NCAN: variants seen among roughly 807,000 people sequenced by gnomAD.
NCAN encodes neurocan core protein.
Under a neutral mutation model 121.8 loss-of-function variants are expected in NCAN, and 47 were observed. That is an observed-to-expected ratio of 0.39 (90% CI 0.31 to 0.49). The LOEUF is 0.49. Ranked by LOEUF, NCAN falls within the 20% of genes least tolerant of loss-of-function variation. NCAN has a pLI of 0.92. For missense variants in NCAN, 1,517 were observed against 1,773.4 expected (o/e 0.86, Z 2.60); for synonymous variants, 633 against 702.0 (o/e 0.90, Z 1.55).
intron 1 of NCAN, among the ~76,000 whole-genome samples, chr19:19,215,434 T>C (rs1005494705): frequency 2.0e-5 from 3 of 152,158 alleles, no homozygotes; most frequent in Non-Finnish European, 4.4e-5. Flanking sequence ...AGTCAGGAAA[T>C]GCACTGCTGT....
Position 19,228,197 on chromosome 19 carries a change from G to A in NCAN, c.2577G>A (p.Leu859=). The change falls in exon 8 of 15, where the codon TTG becomes TTA. Residue 859 remains leucine (L), a synonymous_variant. Transcript: ENST00000252575. The part of the protein sequence containing the change: ...QVFEEAESTT[L]SPQVALDTSI... ...TTGAAGAAGCCGAAAGCACCACCTT[G>A]AGCCCTCAGGTGGCCCTGGATACAA... The A allele has an allele frequency of 6.2e-7, 1 of 1,613,914 alleles. No individual in the cohort carries two copies. Among genetic ancestry groups the A allele is most frequent in the African/African-American group, 1.3e-5 (1 of 75,050 alleles).
rs369689485 is a variant in NCAN, at chr19:19,249,556, A to C, written c.3821-210A>C. Among the ~76,000 whole-genome samples, 7 of 152,124 alleles carry C rather than the reference A, an allele frequency of 4.6e-5. No homozygotes were observed. The East Asian group carries it at 1.4e-3, about 29-fold the overall frequency. ...CTAATTTTTTTATTTTTGTAGAGAT[A>C]GGTTCTCGCTATGTTGCCCAAGCTG... On this transcript the variant is annotated intron_variant, in intron 14 of 14. Transcript: ENST00000252575.
intron 9 of NCAN, among the ~76,000 whole-genome samples, chr19:19,234,701 T>C (rs1339707716): frequency 6.6e-6 from 1 of 152,182 alleles, no homozygotes; most frequent in Non-Finnish European, 1.5e-5. Context: ...TTTTTGAGAG[T>C]ATAACCTTCA....
At chr19:19,247,166 C>T (rs533991693) in intron 13 of NCAN, among the ~76,000 whole-genome samples, 3 of 151,934 alleles carry the variant, frequency 2.0e-5, no homozygotes, top group African/African-American at 7.2e-5. Context: ...CACTGCAGAT[C>T]ACTTGAACTC....
chr19:19,218,810 A>G, intron 2 of NCAN, 105 bp from the exon 3 acceptor site: 1 of 1,220,752 alleles, frequency 8.2e-7, no homozygotes, highest in Non-Finnish European at 1.1e-6. Flanking sequence ...CTAGGTTCAA[A>G]TTCTGGCTCA....
Position 19,228,166 on chromosome 19 carries a change from AG to A in NCAN, c.2548del (p.Val850CysfsTer10). On this transcript the variant is annotated frameshift_variant, in exon 8 of 15. Transcript: ENST00000252575. LOFTEE classifies it high-confidence loss of function. ...DASGIWEPGS[Q>X]VFEEAESTTL... ...AGTGGAATTTGGGAACCTGGATCCC[AG>A]GTGTTTGAAGAAGCCGAAAGCACCA... 1 of 1,613,836 alleles carries A rather than the reference AG, an allele frequency of 6.2e-7. No homozygotes were observed. The highest frequency in any genetic ancestry group is 8.5e-7 in the Non-Finnish European group (1 of 1,180,008).
rs532242671 is a variant in NCAN at position 19,237,008 on chromosome 19, G to A, written c.3251-1245G>A. On this transcript the variant is annotated intron_variant, in intron 10 of 14. Coordinates refer to ENST00000252575, the MANE Select transcript of NCAN (RefSeq NM_004386.3). ...TGGCTCACTACAACCTCCACCTCCCGGTTCAAGTGATTCTTGTGCCTCAAT... is the reference window on the plus strand; with the variant it reads ...TGGCTCACTACAACCTCCACCTCCCAGTTCAAGTGATTCTTGTGCCTCAAT... Among the ~76,000 whole-genome samples the A allele has an allele frequency of 8.3e-4, 126 of 151,966 alleles. 1 individual carries two copies. Among genetic ancestry groups the A allele is most frequent in the African/African-American group, 2.6e-3 (109 of 41,450 alleles).
chr19:19,243,531 A>AG (rs1452513559), intron 12 of NCAN, among the ~76,000 whole-genome samples: 2 of 150,758 alleles, frequency 1.3e-5, no homozygotes, highest in African/African-American at 2.4e-5. Flanking sequence ...AAAAAAAAAA[A>AG]AAAGAAAAAG....
intron 10 of NCAN, 90 bp from the exon 11 acceptor site, chr19:19,238,163 G>T: frequency 6.4e-7 from 1 of 1,551,104 alleles, no homozygotes. Flanking sequence ...CCTTGGATTG[G>T]GCCCTCTCTC....
intron 5 of NCAN, 46 bp from the exon 6 acceptor site, chr19:19,224,931 G>C (rs1296680314): frequency 7.3e-7 from 1 of 1,362,796 alleles, no homozygotes; most frequent in South Asian, 1.7e-5. Context: ...TGGGCTCCAG[G>C]GGAGGGTTCC....
intron 13 of NCAN, among the ~76,000 whole-genome samples, chr19:19,248,011 G>T (rs904730468): frequency 6.6e-6 from 1 of 152,082 alleles, no homozygotes; most frequent in Non-Finnish European, 1.5e-5. Context: ...AGCTAGGCTC[G>T]GTGGTGCGCA....
rs986372682 is a variant in NCAN at position 19,212,916 on chromosome 19, C to A, written c.-8+852C>A. Among the ~76,000 whole-genome samples the A allele has an allele frequency of 6.6e-6, 1 of 152,178 alleles. No homozygotes were observed. On this transcript the variant is annotated intron_variant, in intron 1 of 14. Transcript: ENST00000252575. This position sits in a 1 kb window ranked among gnomAD's most constrained non-coding sequence, Gnocchi z 4.5. ...AGCATGACACAGACCCCTACCCCCACCCCCTTTAGTTCCACCTGTCCATAT... is the reference window on the plus strand; with the variant it reads ...AGCATGACACAGACCCCTACCCCCAACCCCTTTAGTTCCACCTGTCCATAT...
At chr19:19,247,776 G>C (rs1014971874) in intron 13 of NCAN, among the ~76,000 whole-genome samples, 1 of 152,202 alleles carries the variant, frequency 6.6e-6, no homozygotes, top group South Asian at 2.1e-4. Flanking sequence ...AGAAAGTGAG[G>C]TGTGTCCGGG....
In NCAN at chr19:19,251,474, C is replaced by G. The variant is rs1215563897; in HGVS notation, c.*1563C>G. ...TAAAGGAAAGGTACTGGCTTGAAGT[C>G]ACAACCACGACAGGAGTAAGGATTT... is the stretch of plus-strand genomic sequence containing the variant. On this transcript the variant is annotated 3_prime_UTR_variant, in exon 15 of 15. Coordinates refer to ENST00000252575, the MANE Select transcript of NCAN (RefSeq NM_004386.3). The G allele has an allele frequency of 6.6e-6, 1 of 152,148 alleles. No individual in the cohort carries two copies. Among genetic ancestry groups the G allele is most frequent in the Non-Finnish European group, 1.5e-5 (1 of 68,026 alleles). The allele number at this position is 152,148 out of a possible 1,614,324, so 9.4% of individuals were successfully genotyped here.
intron 12 of NCAN, among the ~76,000 whole-genome samples, chr19:19,243,527 A>G (rs1321659973): frequency 6.6e-6 from 1 of 151,188 alleles, no homozygotes; most frequent in Non-Finnish European, 1.5e-5. Context: ...AAAAAAAAAA[A>G]AAAAAAAGAA....
intron 8 of NCAN, among the ~76,000 whole-genome samples, chr19:19,229,388 GC>G (rs2060850101): frequency 6.6e-6 from 1 of 152,186 alleles, no homozygotes; most frequent in Admixed American, 6.5e-5. Context: ...CGCCTCCCAG[GC>G]GAGACCAGAG....
chr19:19,239,198 C>A (rs369626698), intron 11 of NCAN, among the ~76,000 whole-genome samples: 1 of 152,100 alleles, frequency 6.6e-6, no homozygotes, highest in African/African-American at 2.4e-5. Flanking sequence ...CTCCTGGCCA[C>A]AAACCCTGGG....
At chr19:19,221,054 G>A (rs1324193857) in intron 3 of NCAN, among the ~76,000 whole-genome samples, 1 of 151,988 alleles carries the variant, frequency 6.6e-6, no homozygotes, top group Non-Finnish European at 1.5e-5. Flanking sequence ...GCAACATAGT[G>A]AGACCTTGTC....
chr19:19,221,593 A>G (rs550195051), intron 3 of NCAN, among the ~76,000 whole-genome samples: 190 of 152,126 alleles, frequency 1.2e-3, no homozygotes, highest in African/African-American at 4.3e-3. Context: ...TAATAATAAT[A>G]CAACTAAATA....
Sources: allele counts gnomAD v4.1 joint callset (sites outside exome capture counted in the v4.1 genomes callset), GRCh38; gene constraint gnomAD v4.1.1; non-coding constraint Gnocchi (gnomAD v3.1); transcripts MANE v1.5; gene names NCBI Gene and HGNC (gene_info 2026-07-23, HGNC 2026-07-21).